SESN3: variants seen among roughly 807,000 people sequenced by gnomAD.
SESN3 encodes the protein sestrin-3.
SESN3 carries 21 observed loss-of-function variants against 55.3 expected under a neutral mutation model. The observed-to-expected ratio is 0.38, with a 90% confidence interval of 0.27 to 0.55. SESN3 has a LOEUF of 0.55. SESN3 is among the 20% of genes least tolerant of loss of function. SESN3 has a pLI of 0.76. For missense variants in SESN3, 408 were observed against 604.3 expected (o/e 0.68, Z 3.41); for synonymous variants, 181 against 203.1 (o/e 0.89, Z 0.93).
chr11:95,231,131 G>A lies in SESN3; in HGVS notation c.-271C>T. 1 of 153,768 alleles carries A rather than the reference G, an allele frequency of 6.5e-6. No individual in the cohort carries two copies. The highest frequency in any genetic ancestry group is 1.1e-5 in the Non-Finnish European group (1 of 91,814). 9.5% of individuals were successfully genotyped at this position (153,768 alleles called of 1,614,324 possible). A position where few individuals can be genotyped will look rare whatever the true frequency, so the allele number is the denominator to read the frequency against. On this transcript the variant is annotated 5_prime_UTR_variant, in exon 1 of 10. Coordinates refer to ENST00000536441, the MANE Select transcript of SESN3 (RefSeq NM_144665.4). ...ACCCGCCCCCATCTTCCAGACCCCC[G>A]CCCCCGCCAGGCTAGGACGAGCAGC...
intron 6 of SESN3, among the ~76,000 whole-genome samples, chr11:95,183,624 G>A (rs1204804894): frequency 6.7e-6 from 1 of 149,010 alleles, no homozygotes. Context: ...GGAGGTTGCA[G>A]TGAGCCAAGA....
At chr11:95,219,236 A>G (rs1860816509) in intron 1 of SESN3, among the ~76,000 whole-genome samples, 1 of 152,216 alleles carries the variant, frequency 6.6e-6, no homozygotes, top group African/African-American at 2.4e-5. Flanking sequence ...CGTACAAAAC[A>G]GTTTTGATAA....
rs1222235996 is a variant in SESN3 at position 95,191,339 on chromosome 11, A to G, written c.342+65T>C. On this transcript the variant is annotated intron_variant, in intron 3 of 9. Transcript: ENST00000536441. ...TATACACACACAAGGACACATGCCT[A>G]TTTTGGAAGGGAGAAAGAATAAGTG... 3.2e-6 allele frequency: 4 copies of G among 1,264,670 alleles called. No homozygotes were observed. The African/African-American group carries it at 5.9e-5, about 19-fold the overall frequency. 78.3% of individuals were successfully genotyped at this position (1,264,670 alleles called of 1,614,324 possible). A position where few individuals can be genotyped will look rare whatever the true frequency, so the allele number is the denominator to read the frequency against.
chr11:95,190,116 T>C (rs562478004), intron 3 of SESN3, among the ~76,000 whole-genome samples, 155 bp from the exon 4 acceptor site: 6 of 152,124 alleles, frequency 3.9e-5, no homozygotes, highest in African/African-American at 1.4e-4. Flanking sequence ...ATCATAATGA[T>C]GTAATAGATT....
chr11:95,208,873 AAAACTG>A (rs1302782213), intron 1 of SESN3, among the ~76,000 whole-genome samples: 1 of 151,620 alleles, frequency 6.6e-6, no homozygotes, highest in East Asian at 1.9e-4. Context: ...CCATATGCAG[AAAACTG>A]AAACTGGACC....
Position 95,167,548 on chromosome 11 carries a change from C to T in SESN3, c.*5707G>A, listed in dbSNP as rs570166969. The T allele has an allele frequency of 6.0e-5, 9 of 150,814 alleles. No homozygotes were observed. Among genetic ancestry groups the T allele is most frequent in the Non-Finnish European group, 5.9e-5 (4 of 67,744 alleles). 9.3% of individuals were successfully genotyped at this position (150,814 alleles called of 1,614,324 possible). On this transcript the variant is annotated 3_prime_UTR_variant, in exon 10 of 10. Transcript: ENST00000536441. ...TAGGTTAAAGCTAAAATGAACACTT[C>T]ATGGCATATAATTTAATACAAACCG...
chr11:95,180,186 ATAAT>A (rs1860034298), intron 6 of SESN3, among the ~76,000 whole-genome samples: 1 of 152,188 alleles, frequency 6.6e-6, no homozygotes, highest in Non-Finnish European at 1.5e-5. Flanking sequence ...TATTTCATAA[ATAAT>A]AAATAGTAGA....
chr11:95,194,069 T>C (rs1181249913), intron 1 of SESN3, among the ~76,000 whole-genome samples: 1 of 152,116 alleles, frequency 6.6e-6, no homozygotes, highest in African/African-American at 2.4e-5. Context: ...GTAATTCTTA[T>C]TGTTCCACTT....
At position 95,231,196 on chromosome 11, in the gene SESN3, T is replaced by A; in HGVS notation, c.-336A>T. On this transcript the variant is annotated 5_prime_UTR_variant, in exon 1 of 10. Transcript: ENST00000536441. ...CCGCCACCACCGCCGCCGCAGCGCCTCAGTGCGGCCCCGCCTCCGCCGCCC... is the reference window on the plus strand; with the variant it reads ...CCGCCACCACCGCCGCCGCAGCGCCACAGTGCGGCCCCGCCTCCGCCGCCC... 3.3e-6 allele frequency: 1 copy of A among 299,502 alleles called. No individual in the cohort carries two copies. Among genetic ancestry groups the A allele is most frequent in the Non-Finnish European group, 5.9e-6 (1 of 170,518 alleles). The allele number at this position is 299,502 out of a possible 1,614,324, so 18.6% of individuals were successfully genotyped here. A position where few individuals can be genotyped will look rare whatever the true frequency, so the allele number is the denominator to read the frequency against.
In SESN3 at chr11:95,207,846, G is replaced by GC. The variant is rs1860578773; in HGVS notation, c.79-14325_79-14324insG. Among the ~76,000 whole-genome samples the GC allele has an allele frequency of 5.4e-5, 8 of 149,346 alleles. No homozygotes were observed. The South Asian group carries it at 1.7e-3, about 32-fold the overall frequency. On this transcript the variant is annotated intron_variant, in intron 1 of 9. Coordinates refer to ENST00000536441, the MANE Select transcript of SESN3 (RefSeq NM_144665.4). ...TGTTTTTTTTGTTTTGTTTTGTTTT[G>GC]TTTTTTTTGTAGAGACTGGGTTTCA...
At position 95,221,248 on chromosome 11, in the gene SESN3, G is replaced by A. The variant is rs113331984; in HGVS notation, c.78+9535C>T. ...GAACCCGGGAGGCGGTGGTTTCACT[G>A]AGCCAAGATGGCGCCACTGCACTCC... On this transcript the variant is annotated intron_variant, in intron 1 of 9. Coordinates refer to ENST00000536441, the MANE Select transcript of SESN3 (RefSeq NM_144665.4). Among the ~76,000 whole-genome samples, 1,352 of 152,056 alleles carry A rather than the reference G, an allele frequency of 8.9e-3. 11 individuals are homozygous for A. The highest frequency in any genetic ancestry group is 0.017 in the South Asian group (84 of 4,814).
At chr11:95,191,883 A>G (rs1375747713) in intron 2 of SESN3, among the ~76,000 whole-genome samples, 1 of 152,096 alleles carries the variant, frequency 6.6e-6, no homozygotes, top group African/African-American at 2.4e-5. Flanking sequence ...TGCTAGGCAT[A>G]TTAGGTAGAT....
chr11:95,201,226 C>T (rs1252083772), intron 1 of SESN3: 2 of 152,088 alleles, frequency 1.3e-5, no homozygotes, highest in East Asian at 1.9e-4. Context: ...CCCAAAGCTA[C>T]ACAAGCTCAC....
rs1319648056 is a variant in SESN3 at position 95,173,378 on chromosome 11, TAAAC to T, written c.1393-41_1393-38del. ...AATGTTATCAGTTTAGTAACCATTA[TAAAC>T]ACCTGGAAAATCTTATTAGACATTC... On this transcript the variant is annotated intron_variant, in intron 9 of 9. Transcript: ENST00000536441. The T allele has an allele frequency of 2.2e-6, 3 of 1,350,184 alleles. No individual in the cohort carries two copies. In the African/African-American group the frequency reaches 4.3e-5, roughly 19 times the overall value. The allele number at this position is 1,350,184 out of a possible 1,614,324, so 83.6% of individuals were successfully genotyped here. A position where few individuals can be genotyped will look rare whatever the true frequency, so the allele number is the denominator to read the frequency against.
chr11:95,172,675 C>T lies in SESN3; in HGVS notation c.*580G>A, dbSNP rs1048816565. 2 of 152,000 alleles carry T rather than the reference C, an allele frequency of 1.3e-5. No homozygotes were observed. Among genetic ancestry groups the T allele is most frequent in the Non-Finnish European group, 2.9e-5 (2 of 67,980 alleles). The allele number at this position is 152,000 out of a possible 1,614,324, so 9.4% of individuals were successfully genotyped here. On this transcript the variant is annotated 3_prime_UTR_variant, in exon 10 of 10. Transcript: ENST00000536441. ...TAGCAGTAAAACAACAATAAATGAACAAACAAACAAATAAAAAACAGTGCC... is the reference window on the plus strand; with the variant it reads ...TAGCAGTAAAACAACAATAAATGAATAAACAAACAAATAAAAAACAGTGCC...
At chr11:95,227,197 C>CT (rs889380115) in intron 1 of SESN3, among the ~76,000 whole-genome samples, 33 of 134,550 alleles carry the variant, frequency 2.5e-4, no homozygotes, top group African/African-American at 7.1e-4. Context: ...TTTTTTTTGT[C>CT]TTTTTTTTTG....
Position 95,185,236 on chromosome 11 carries a change from A to G in SESN3, c.762+20T>C, listed in dbSNP as rs767327865. On this transcript the variant is annotated intron_variant, in intron 5 of 9. Coordinates refer to ENST00000536441, the MANE Select transcript of SESN3 (RefSeq NM_144665.4). The stretch of plus-strand genomic sequence containing the variant: ...AGTTTAAAGCAAAAATAGTAAAGAA[A>G]AATAGCTAAGAAAACTAACCCCAAA... 3 of 1,458,762 alleles carry G rather than the reference A, an allele frequency of 2.1e-6. No homozygotes were observed. The highest frequency in any genetic ancestry group is 2.9e-6 in the Non-Finnish European group (3 of 1,043,892). The allele number at this position is 1,458,762 out of a possible 1,614,324, so 90.4% of individuals were successfully genotyped here. A position where few individuals can be genotyped will look rare whatever the true frequency, so the allele number is the denominator to read the frequency against.
intron 1 of SESN3, among the ~76,000 whole-genome samples, chr11:95,214,757 T>A (rs768163579): frequency 6.6e-6 from 1 of 152,170 alleles, no homozygotes; most frequent in Admixed American, 6.5e-5. Context: ...AAGCTTAAAA[T>A]ATCAATCTTC....
At chr11:95,196,246 G>A (rs931799902) in intron 1 of SESN3, among the ~76,000 whole-genome samples, 1 of 152,080 alleles carries the variant, frequency 6.6e-6, no homozygotes, top group Non-Finnish European at 1.5e-5. Context: ...TTCTGGCAAG[G>A]ACTCTACTAC....
Sources: allele counts gnomAD v4.1 joint callset (sites outside exome capture counted in the v4.1 genomes callset), GRCh38; gene constraint gnomAD v4.1.1; transcripts MANE v1.5; gene names NCBI Gene and HGNC (gene_info 2026-07-23, HGNC 2026-07-21).